FER1L6: variants seen among roughly 807,000 people sequenced by gnomAD.
FER1L6 encodes fer-1-like protein 6.
In FER1L6, 177 loss-of-function variants were observed where a neutral mutation model predicts 219.2. The observed-to-expected ratio is 0.81, with a 90% CI of 0.71 to 0.91. The LOEUF (loss-of-function observed/expected upper bound fraction) is 0.91, where lower values mean the gene tolerates loss of function less well. Among genes scored for constraint, FER1L6 ranks in the 40% least tolerant of loss-of-function variants. FER1L6 has a pLI of 0.00. For missense variants in FER1L6, 2,153 were observed against 2,259.9 expected (o/e 0.95, Z 0.96); for synonymous variants, 768 against 824.3 (o/e 0.93, Z 1.17).
chr8:124,066,604 C>T, intron 27 of FER1L6, 54 bp downstream of exon 27: 1 of 1,592,900 alleles, frequency 6.3e-7, no homozygotes, highest in South Asian at 1.1e-5. Flanking sequence ...AAACACAGCA[C>T]CTTCTCCTAC....
chr8:124,041,391 C>G (rs7831422), intron 20 of FER1L6, among the ~76,000 whole-genome samples: 129,403 of 152,298 alleles, frequency 0.85, 55,160 homozygotes, highest in African/African-American at 0.88. Flanking sequence ...CCCATGACCT[C>G]GATGATAGAG....
At chr8:124,077,575 C>A (rs1194475709) in intron 32 of FER1L6, among the ~76,000 whole-genome samples, 3 of 152,156 alleles carry the variant, frequency 2.0e-5, no homozygotes, top group Non-Finnish European at 4.4e-5. Flanking sequence ...CCAGTGATGA[C>A]CTTTATCGTC....
chr8:124,082,414 C>G lies in FER1L6; in HGVS notation c.4347C>G (p.Tyr1449Ter). Residue 1449 changes from tyrosine (Y) to a stop codon, truncating the protein, a stop_gained, in exon 33 of 41, where the codon TAC becomes TAG. Transcript: ENST00000522917. LOFTEE classifies it high-confidence loss of function. Reference protein sequence around the residue: ...ETKIDLENRFYSKHRAICGLQ... With the variant: ...ETKIDLENRF ...AGATCGACCTGGAGAACCGCTTCTACAGCAAACACCGAGCCATCTGTGGCT... is the reference window on the plus strand; with the variant it reads ...AGATCGACCTGGAGAACCGCTTCTAGAGCAAACACCGAGCCATCTGTGGCT... The G allele has an allele frequency of 1.9e-6, 3 of 1,614,116 alleles. No homozygotes were observed. Among genetic ancestry groups the G allele is most frequent in the Non-Finnish European group, 2.5e-6 (3 of 1,179,982 alleles).
At chr8:123,940,329 C>T (rs996704660) in intron 1 of FER1L6, among the ~76,000 whole-genome samples, 1 of 151,808 alleles carries the variant, frequency 6.6e-6, no homozygotes. Context: ...GGAAGAGGGA[C>T]GAGGGCTAGG....
At chr8:123,967,130 G>C (rs1449119736) in intron 5 of FER1L6, among the ~76,000 whole-genome samples, 1 of 150,544 alleles carries the variant, frequency 6.6e-6, no homozygotes, top group East Asian at 1.9e-4. Context: ...TGGCAAAAGA[G>C]ACAAAAAGTA....
At chr8:124,006,259 G>A (rs1817651056) in intron 13 of FER1L6, among the ~76,000 whole-genome samples, 1 of 152,224 alleles carries the variant, frequency 6.6e-6, no homozygotes. Flanking sequence ...AAGATGGTAA[G>A]GGAAGGGTTT....
chr8:124,067,515 G>A (rs751927148), intron 27 of FER1L6, among the ~76,000 whole-genome samples: 6 of 152,148 alleles, frequency 3.9e-5, no homozygotes, highest in Admixed American at 1.3e-4. Context: ...TGCATATAAG[G>A]GACAAAGATG....
chr8:123,866,023 C>T (rs186629849), intron 1 of FER1L6, among the ~76,000 whole-genome samples: 1,672 of 151,608 alleles, frequency 0.011, 20 homozygotes, highest in Non-Finnish European at 0.017. Flanking sequence ...TTTTCTTAAT[C>T]CAGTCTATCA....
chr8:123,943,589 G>A (rs1018217084), intron 1 of FER1L6, among the ~76,000 whole-genome samples: 2 of 152,178 alleles, frequency 1.3e-5, no homozygotes, highest in African/African-American at 4.8e-5. Flanking sequence ...AGTGGTGGCT[G>A]CTGCCCTTCC....
intron 22 of FER1L6, among the ~76,000 whole-genome samples, chr8:124,057,700 T>C (rs1563771100): frequency 6.6e-6 from 1 of 152,000 alleles, no homozygotes; most frequent in Non-Finnish European, 1.5e-5. Context: ...ATGCATTGTC[T>C]ATCATTTTGT....
chr8:123,989,376 T>C (rs1471247546), intron 12 of FER1L6, among the ~76,000 whole-genome samples: 1 of 152,190 alleles, frequency 6.6e-6, no homozygotes, highest in Non-Finnish European at 1.5e-5. Flanking sequence ...TTTTTTTGTA[T>C]TGGAATTCTT....
intron 13 of FER1L6, among the ~76,000 whole-genome samples, chr8:124,006,690 C>A (rs1328895297): frequency 6.6e-6 from 1 of 152,194 alleles, no homozygotes; most frequent in Non-Finnish European, 1.5e-5. Flanking sequence ...GACAGGTCAT[C>A]ATGTGATGAC....
In FER1L6 at chr8:124,060,299, C is replaced by A. The variant is rs1470504395; in HGVS notation, c.2985+9C>A. On this transcript the variant is annotated intron_variant, in intron 23 of 40. Coordinates refer to ENST00000522917, the MANE Select transcript of FER1L6 (RefSeq NM_001039112.2). ...GCAAATACCGAGTGGAGGTACGGGT[C>A]AGCGGAGGAGCTGAGTTGTTCTTTG... is the stretch of plus-strand genomic sequence containing the variant. 6.2e-7 allele frequency: 1 copy of A among 1,613,078 alleles called. No homozygotes were observed. The highest frequency in any genetic ancestry group is 8.5e-7 in the Non-Finnish European group (1 of 1,179,064).
At chr8:123,859,657 C>T (rs532797750) in intron 1 of FER1L6, among the ~76,000 whole-genome samples, 225 of 140,290 alleles carry the variant, frequency 1.6e-3, no homozygotes, top group South Asian at 3.6e-3. Flanking sequence ...CCCACTAACT[C>T]GTCATCTAGC....
rs779012175 is a variant in FER1L6, at chr8:123,936,462, GT to G, written c.-7-19506del. 6.3e-3 allele frequency among the ~76,000 whole-genome samples: 615 copies of G among 97,860 alleles called. 1 individual carries two copies. Among genetic ancestry groups the G allele is most frequent in the African/African-American group, 8.4e-3 (216 of 25,578 alleles). 64.2% of individuals were successfully genotyped at this position (97,860 alleles called of 152,430 possible). A position where few individuals can be genotyped will look rare whatever the true frequency, so the allele number is the denominator to read the frequency against. On this transcript the variant is annotated intron_variant, in intron 1 of 40. Transcript: ENST00000522917. ...TTTAGATAAAAGATAATTGCAGCCTGTTTTTTTTTTTTTTTTTTTTTTTTGT... is the reference window on the plus strand; with the variant it reads ...TTTAGATAAAAGATAATTGCAGCCTGTTTTTTTTTTTTTTTTTTTTTTTGT...
intron 3 of FER1L6, 74 bp from the exon 4 acceptor site, chr8:123,965,933 C>G: frequency 7.8e-7 from 1 of 1,287,692 alleles, no homozygotes; most frequent in Non-Finnish European, 1.1e-6. Context: ...CTTAGAAATA[C>G]TTTGGAGAAT....
Position 124,082,348 on chromosome 8 carries a change from C to T in FER1L6, c.4281C>T (p.Asp1427=), listed in dbSNP as rs1821589568. Reference sequence around the variant, plus strand: ...CCCTGCTCTCCATCCTGATCTATGACCATGACATGATTGGCACAGATGACC... The same window carrying T: ...CCCTGCTCTCCATCCTGATCTATGATCATGACATGATTGGCACAGATGACC... ...KESLLSILIY[D]HDMIGTDDLI... is the part of the protein sequence containing the mutation. The change falls in exon 33 of 41, where the codon GAC becomes GAT. Residue 1427 remains aspartate (D), a synonymous_variant. Coordinates refer to ENST00000522917, the MANE Select transcript of FER1L6 (RefSeq NM_001039112.2). 2 of 1,613,944 alleles carry T rather than the reference C, an allele frequency of 1.2e-6. No individual in the cohort carries two copies. Among genetic ancestry groups the T allele is most frequent in the African/African-American group, 2.7e-5 (2 of 75,024 alleles).
At chr8:123,970,767 A>G (rs1392872787) in intron 6 of FER1L6, among the ~76,000 whole-genome samples, 6 of 152,118 alleles carry the variant, frequency 3.9e-5, no homozygotes, top group African/African-American at 1.4e-4. Flanking sequence ...TTTGCCCACT[A>G]CATGGAGGAC....
rs777829946 is a variant in FER1L6 at position 124,097,254 on chromosome 8, T to A, written c.4696-17T>A. On this transcript the variant is annotated splice_polypyrimidine_tract_variant and intron_variant, in intron 35 of 40. Transcript: ENST00000522917. ...CCCCCTCCCAAAGCTAAAGAAGATATTTTTTTTCTTAACAAGGGCCGCCTG... is the reference window on the plus strand; with the variant it reads ...CCCCCTCCCAAAGCTAAAGAAGATAATTTTTTTCTTAACAAGGGCCGCCTG... 6.3e-7 allele frequency: 1 copy of A among 1,585,246 alleles called. No homozygotes were observed. Among genetic ancestry groups the A allele is most frequent in the Middle Eastern group, 1.7e-4 (1 of 5,986 alleles).
Sources: allele counts gnomAD v4.1 joint callset (sites outside exome capture counted in the v4.1 genomes callset), GRCh38; gene constraint gnomAD v4.1.1; transcripts MANE v1.5; gene names NCBI Gene and HGNC (gene_info 2026-07-23, HGNC 2026-07-21).